MGAT5: variants seen among roughly 807,000 people sequenced by gnomAD.
The protein encoded by MGAT5 is alpha-1,6-mannosylglycoprotein 6-beta-N-acetylglucosaminyltransferase A.
In MGAT5, 30 loss-of-function variants were observed where a neutral mutation model predicts 94.3. The ratio of observed to expected loss-of-function variants is 0.32; its 90% CI spans 0.24 to 0.43. The LOEUF (loss-of-function observed/expected upper bound fraction) is 0.43. Among genes scored for constraint, MGAT5 ranks in the 20% least tolerant of loss-of-function variants. MGAT5 has a pLI of 1.00. For missense variants in MGAT5, 691 were observed against 905.5 expected, an observed-to-expected ratio of 0.76 and a Z score of 3.04; for synonymous variants, 310 against 322.9, an observed-to-expected ratio of 0.96 and a Z score of 0.43.
At chr2:134,363,553 A>G (rs780434884) in intron 10 of MGAT5, among the ~76,000 whole-genome samples, 4 of 152,234 alleles carry the variant, frequency 2.6e-5, no homozygotes, top group Non-Finnish European at 5.9e-5. Flanking sequence ...AACATCTGAC[A>G]GTGTCTGGAG....
intron 1 of MGAT5, among the ~76,000 whole-genome samples, chr2:134,191,488 G>C (rs1432624710): frequency 6.6e-6 from 1 of 151,774 alleles, no homozygotes; most frequent in Non-Finnish European, 1.5e-5. Flanking sequence ...CCAGATGGAA[G>C]GGTGGGTTCG....
chr2:134,128,210 GAAA>G (rs60527385), intron 1 of MGAT5, among the ~76,000 whole-genome samples: 10,824 of 82,740 alleles, frequency 0.13, 953 homozygotes, highest in East Asian at 0.36. Flanking sequence ...CCTCTACAAA[GAAA>G]AAAAAAAAAG....
chr2:134,240,676 T>C (rs1331052384), intron 1 of MGAT5, among the ~76,000 whole-genome samples: 1 of 152,234 alleles, frequency 6.6e-6, no homozygotes, highest in Non-Finnish European at 1.5e-5. Flanking sequence ...ATTTTCCTCA[T>C]GCTATTTTCC....
chr2:134,429,428 G>T (rs187168128), intron 14 of MGAT5, among the ~76,000 whole-genome samples: 180 of 152,296 alleles, frequency 1.2e-3, no homozygotes, highest in East Asian at 1.5e-3. Flanking sequence ...CTGCAGCCAG[G>T]CCATGTGGGT....
chr2:134,159,051 G>A (rs1687609058), intron 1 of MGAT5, among the ~76,000 whole-genome samples: 1 of 152,178 alleles, frequency 6.6e-6, no homozygotes, highest in Admixed American at 6.5e-5. Flanking sequence ...GATATTTTGT[G>A]TATATTACGT....
At chr2:134,257,296 G>A (rs1436911864) in intron 1 of MGAT5, among the ~76,000 whole-genome samples, 1 of 152,130 alleles carries the variant, frequency 6.6e-6, no homozygotes, top group Non-Finnish European at 1.5e-5. Flanking sequence ...GCAGTGGTGT[G>A]ATCTTGGCTC....
rs754864583 is a variant in MGAT5 at position 134,448,801 on chromosome 2, G to A, written c.2180G>A (p.Arg727Gln). Residue 727 changes from arginine to glutamine, a missense_variant, in exon 16 of 16, where the codon CGG becomes CAG. Arg to Gln is a conservative substitution (Grantham distance 43, BLOSUM62 1). This residue lies in a region of MGAT5 where 260 missense variants were observed against 347.0 expected (regional missense o/e 0.75). Coordinates refer to ENST00000281923, the MANE Select transcript of MGAT5 (RefSeq NM_002410.5). ...AGGCACCAGAGGGTCTGCCCCTGCC[G>A]GGACTTCATCAAGGGCCAGGTGGCT... ...HPRHQRVCPC[R>Q]DFIKGQVALC... 4.3e-6 allele frequency: 7 copies of A among 1,614,072 alleles called. No individual in the cohort carries two copies. Among genetic ancestry groups the A allele is most frequent in the East Asian group, 2.2e-5 (1 of 44,882 alleles).
chr2:134,326,801 T>C (rs544562037), intron 4 of MGAT5, among the ~76,000 whole-genome samples: 39 of 152,136 alleles, frequency 2.6e-4, no homozygotes, highest in African/African-American at 8.7e-4. Flanking sequence ...CAGTTTTGGA[T>C]AGAGTGGTCA....
At chr2:134,280,843 A>G (rs538591728) in intron 2 of MGAT5, among the ~76,000 whole-genome samples, 1 of 152,338 alleles carries the variant, frequency 6.6e-6, no homozygotes, top group Admixed American at 6.5e-5. Flanking sequence ...AGCTTTGGCT[A>G]TTGCCTCATA....
exon 1 of MGAT5, chr2:134,120,249 G>T (rs149824429): frequency 0.02 from 7,405 of 379,738 alleles, 475 homozygotes; most frequent in African/African-American, 0.14. Flanking sequence ...TGGGCACGGC[G>T]GCCGGCGGGT....
chr2:134,369,186 T>C (rs1265265418), intron 10 of MGAT5, among the ~76,000 whole-genome samples: 1 of 152,152 alleles, frequency 6.6e-6, no homozygotes, highest in East Asian at 1.9e-4. Context: ...AAATTACTGA[T>C]TTATCTGTGG....
intron 10 of MGAT5, among the ~76,000 whole-genome samples, chr2:134,379,642 AG>A (rs1681413709): frequency 6.6e-6 from 1 of 152,228 alleles, no homozygotes; most frequent in South Asian, 2.1e-4. Context: ...GCTGGACTGC[AG>A]GCGTTATGAG....
Position 134,273,131 on chromosome 2 carries a change from T to TGG in MGAT5, c.406+2589_406+2590dup, listed in dbSNP as rs151315415. 3.3e-5 allele frequency among the ~76,000 whole-genome samples: 5 copies of TGG among 150,496 alleles called. No homozygotes were observed. In the South Asian group the frequency reaches 8.4e-4, roughly 25 times the overall value. ...AGCCTTCTTCATTTCCCCCAGAAGG[T>TGG]GGGGGGGGGTCCTTTATATCTTGTC... On this transcript the variant is annotated intron_variant, in intron 2 of 15. Coordinates refer to ENST00000281923, the MANE Select transcript of MGAT5 (RefSeq NM_002410.5).
chr2:134,324,102 C>CT (rs996343023), intron 4 of MGAT5, among the ~76,000 whole-genome samples: 72 of 152,196 alleles, frequency 4.7e-4, no homozygotes, highest in Non-Finnish European at 7.7e-4. Flanking sequence ...GACACTGGCA[C>CT]TTTTTTTTCT....
intron 9 of MGAT5, among the ~76,000 whole-genome samples, chr2:134,350,486 CATT>C (rs1238816309): frequency 2.6e-5 from 4 of 152,074 alleles, no homozygotes; most frequent in Non-Finnish European, 5.9e-5. Context: ...GACTTGGTAT[CATT>C]GTTTTCAGCA....
At chr2:134,153,971 A>G (rs746778347) in intron 1 of MGAT5, among the ~76,000 whole-genome samples, 12 of 152,124 alleles carry the variant, frequency 7.9e-5, no homozygotes, top group Non-Finnish European at 1.8e-4. Context: ...GCAGGGCTGT[A>G]GCTCTTTGTT....
intron 1 of MGAT5, among the ~76,000 whole-genome samples, chr2:134,154,577 A>G (rs1336467401): frequency 1.3e-5 from 2 of 152,172 alleles, no homozygotes; most frequent in East Asian, 3.8e-4. Context: ...CAGGCTGTGT[A>G]AGCTGGTGGT....
chr2:134,140,971 A>G (rs891395493), intron 1 of MGAT5, among the ~76,000 whole-genome samples: 3 of 152,204 alleles, frequency 2.0e-5, no homozygotes, highest in African/African-American at 7.2e-5. Flanking sequence ...TCCTAAACAA[A>G]TGTTGTGATT....
At chr2:134,435,541 G>A (rs764532695) in intron 14 of MGAT5, among the ~76,000 whole-genome samples, 3 of 151,760 alleles carry the variant, frequency 2.0e-5, no homozygotes, top group Non-Finnish European at 2.9e-5. Flanking sequence ...TGTCTCCCTC[G>A]CTGAATGCAA....
Sources: gnomAD v4.1 joint callset for allele counts (sites outside exome capture counted in the v4.1 genomes callset) on GRCh38, gnomAD v4.1.1 for gene constraint, gnomAD v4.1.1 regional missense constraint, MANE v1.5 for transcripts, NCBI Gene and HGNC (gene_info 2026-07-23, HGNC 2026-07-21) for gene names.